SLC44A1: variants seen among roughly 807,000 people sequenced by gnomAD.
SLC44A1 encodes choline transporter-like protein 1.
SLC44A1 carries 26 observed loss-of-function variants against 79.3 expected under a neutral mutation model. That is an observed-to-expected ratio of 0.33 (90% confidence interval 0.24 to 0.46). The LOEUF (loss-of-function observed/expected upper bound fraction) is 0.46. SLC44A1 is among the 20% of genes least tolerant of loss of function. The pLI is 1.00. For missense variants in SLC44A1, 688 were observed against 798.1 expected (o/e 0.86, Z 1.66); for synonymous variants, 263 against 286.2 (o/e 0.92, Z 0.82).
chr9:105,342,833 T>C (rs924419236), intron 4 of SLC44A1, among the ~76,000 whole-genome samples: 4 of 152,170 alleles, frequency 2.6e-5, no homozygotes, highest in Non-Finnish European at 5.9e-5. Flanking sequence ...AAGTTCTAAA[T>C]GGCAGTTTAG....
chr9:105,420,008 G>A (rs1829224848), intron 15 of SLC44A1, among the ~76,000 whole-genome samples: 2 of 151,638 alleles, frequency 1.3e-5, no homozygotes, highest in Non-Finnish European at 2.9e-5. Flanking sequence ...TACCTCCCAT[G>A]CAGTGCTCCT....
intron 1 of SLC44A1, among the ~76,000 whole-genome samples, chr9:105,274,195 G>A (rs764263450): frequency 4.6e-5 from 7 of 152,078 alleles, no homozygotes; most frequent in Non-Finnish European, 1.0e-4. Flanking sequence ...TTTACCAGAT[G>A]TTCCCCTTAA....
intron 1 of SLC44A1, among the ~76,000 whole-genome samples, chr9:105,272,884 A>G (rs1830108529): frequency 6.6e-6 from 1 of 152,102 alleles, no homozygotes; most frequent in South Asian, 2.1e-4. Flanking sequence ...AAAGTAGGTA[A>G]TAAAAAGAAA....
intron 3 of SLC44A1, among the ~76,000 whole-genome samples, chr9:105,318,970 C>T (rs1826294991): frequency 6.6e-6 from 1 of 152,156 alleles, no homozygotes; most frequent in African/African-American, 2.4e-5. Flanking sequence ...GGTTACCTGA[C>T]ACCTGTGAAG....
chr9:105,259,123 C>CT (rs1261291335), intron 1 of SLC44A1, among the ~76,000 whole-genome samples: 3 of 152,138 alleles, frequency 2.0e-5, no homozygotes, highest in Admixed American at 2.0e-4. Flanking sequence ...ACTTCAGACT[C>CT]TAAGTAAGGA....
chr9:105,269,013 T>C (rs1830023075), intron 1 of SLC44A1, among the ~76,000 whole-genome samples: 1 of 152,230 alleles, frequency 6.6e-6, no homozygotes, highest in Non-Finnish European at 1.5e-5. Flanking sequence ...AAGTATGAAG[T>C]TGGAATTTTC....
intron 1 of SLC44A1, among the ~76,000 whole-genome samples, chr9:105,292,023 G>A (rs1830612475): frequency 6.6e-6 from 1 of 152,166 alleles, no homozygotes; most frequent in Non-Finnish European, 1.5e-5. Context: ...AATGGTATTG[G>A]AATCTATAAT....
At chr9:105,413,536 A>G (rs1256799445) in intron 15 of SLC44A1, among the ~76,000 whole-genome samples, 1 of 152,232 alleles carries the variant, frequency 6.6e-6, no homozygotes, top group African/African-American at 2.4e-5. Context: ...GAACCAAAAG[A>G]TAGAAGGAGC....
chr9:105,297,810 A>G (rs1346878651), intron 1 of SLC44A1, among the ~76,000 whole-genome samples: 2 of 152,220 alleles, frequency 1.3e-5, no homozygotes, highest in Non-Finnish European at 2.9e-5. Flanking sequence ...TAATTGTACC[A>G]GAGGGCTCCC....
Position 105,374,722 on chromosome 9 carries a change from T to C in SLC44A1, c.1619T>C (p.Leu540Ser), listed in dbSNP as rs1302454675. ...ATCAACACAGTAGGAGATTTTATGT[T>C]ATTCCTTGGCAAGGTAAAACCAAGT... ...ATINTVGDFM[L>S]FLGKVLIVCS... Residue 540 changes from leucine (L) to serine (S), a missense_variant, in exon 13 of 16, where the codon TTA becomes TCA. Physicochemically the swap from Leu to Ser is moderately radical, Grantham distance 145. Transcript: ENST00000374720. 1 of 1,611,444 alleles carries C rather than the reference T, an allele frequency of 6.2e-7. No individual in the cohort carries two copies. The highest frequency in any genetic ancestry group is 1.3e-5 in the African/African-American group (1 of 74,984).
At chr9:105,247,740 T>C (rs1405254744) in intron 1 of SLC44A1, among the ~76,000 whole-genome samples, 1 of 152,224 alleles carries the variant, frequency 6.6e-6, no homozygotes, top group Admixed American at 6.5e-5. Context: ...TACTTAATAG[T>C]TGCTCAGCAG....
chr9:105,382,522 T>C (rs1207033085), intron 13 of SLC44A1, among the ~76,000 whole-genome samples: 2 of 152,216 alleles, frequency 1.3e-5, no homozygotes, highest in East Asian at 1.9e-4. Flanking sequence ...TCTAAGACTA[T>C]ACATGTTTGT....
At chr9:105,374,880 T>C in intron 13 of SLC44A1, 145 bp downstream of exon 13, 1 of 622,520 alleles carries the variant, frequency 1.6e-6, no homozygotes, top group Non-Finnish European at 2.8e-6. Flanking sequence ...GTGTCCAGCA[T>C]TGTGATAAGT....
At chr9:105,358,882 C>T (rs951813932) in intron 7 of SLC44A1, among the ~76,000 whole-genome samples, 2 of 152,106 alleles carry the variant, frequency 1.3e-5, no homozygotes, top group African/African-American at 4.8e-5. Context: ...TTCACTTCCA[C>T]AGTTGTTTTC....
At chr9:105,324,025 G>A (rs570415112) in intron 3 of SLC44A1, among the ~76,000 whole-genome samples, 8 of 151,750 alleles carry the variant, frequency 5.3e-5, no homozygotes, top group South Asian at 2.1e-4. Flanking sequence ...TGTTTTTGAC[G>A]GAGTCTTGCT....
chr9:105,436,859 C>T (rs1293844019), intron 15 of SLC44A1, among the ~76,000 whole-genome samples: 1 of 152,094 alleles, frequency 6.6e-6, no homozygotes, highest in Non-Finnish European at 1.5e-5. Flanking sequence ...TTCTTAGTGC[C>T]ACATGTGACC....
intron 4 of SLC44A1, among the ~76,000 whole-genome samples, chr9:105,346,097 A>AT (rs774654130): frequency 1.3e-5 from 2 of 152,050 alleles, no homozygotes; most frequent in Non-Finnish European, 2.9e-5. Flanking sequence ...CTGTTACTGC[A>AT]TTGTTTTAAT....
At chr9:105,247,128 C>T (rs999765519) in intron 1 of SLC44A1, among the ~76,000 whole-genome samples, 1 of 150,832 alleles carries the variant, frequency 6.6e-6, no homozygotes, top group Non-Finnish European at 1.5e-5. Flanking sequence ...TTTTGGCATC[C>T]TTCTTCATTT....
chr9:105,333,775 A>T (rs935293886), intron 3 of SLC44A1, among the ~76,000 whole-genome samples: 1 of 151,434 alleles, frequency 6.6e-6, no homozygotes, highest in Non-Finnish European at 1.5e-5. Context: ...ATGCCATTGC[A>T]CTCCAGCCTG....
Sources: gnomAD v4.1 joint callset for allele counts (sites outside exome capture counted in the v4.1 genomes callset) on GRCh38, gnomAD v4.1.1 for gene constraint, MANE v1.5 for transcripts, NCBI Gene and HGNC (gene_info 2026-07-23, HGNC 2026-07-21) for gene names.